Variants in LPP observed in about 807,000 individuals in gnomAD.
LPP encodes LIM domain containing preferred translocation partner in lipoma.
A neutral mutation model predicts 60.4 loss-of-function variants in LPP; 38 were observed. That is an observed-to-expected ratio of 0.63 (90% CI 0.49 to 0.83). LPP has a LOEUF of 0.83. LPP is among the 40% of genes least tolerant of loss of function. The probability of loss-of-function intolerance (pLI) is 0.00; values close to 1 mark genes in which losing one functional copy is unlikely to be tolerated. For synonymous variants in LPP, 328 were observed against 290.8 expected (o/e 1.13, Z -1.30); for missense variants, 902 against 783.6 (o/e 1.15, Z -1.80).
At chr3:188,798,211 C>T (rs1420822051) in intron 9 of LPP, among the ~76,000 whole-genome samples, 2 of 152,102 alleles carry the variant, frequency 1.3e-5, no homozygotes, top group Non-Finnish European at 2.9e-5. Context: ...GGCAATCTGG[C>T]CCATTCTATA....
At chr3:188,437,713 A>G (rs186576969) in intron 4 of LPP, among the ~76,000 whole-genome samples, 8 of 152,292 alleles carry the variant, frequency 5.3e-5, no homozygotes, top group Admixed American at 5.2e-4. Flanking sequence ...GCATCCCAGA[A>G]TTTATTGAAC....
intron 4 of LPP, 58 bp downstream of exon 4, chr3:188,406,371 TG>T (rs2148866767): frequency 7.0e-7 from 1 of 1,435,258 alleles, no homozygotes; most frequent in Non-Finnish European, 9.7e-7. Flanking sequence ...GTTATATAGG[TG>T]ATTTGTAGTA....
intron 1 of LPP, among the ~76,000 whole-genome samples, chr3:188,155,512 A>T (rs758889254): frequency 2.0e-5 from 3 of 152,232 alleles, no homozygotes; most frequent in Non-Finnish European, 2.9e-5. Flanking sequence ...TTTACAAAGC[A>T]TCTAGCTCCC....
rs534490111 is a variant in LPP, at chr3:188,801,211, T to C, written c.1410+40929T>C. On this transcript the variant is annotated intron_variant, in intron 9 of 11. Transcript: ENST00000617246. Reference sequence around the variant, plus strand: ...GATTTTGTCATAAAGTCATCTGTCCTAGGCTCTACAATGTAGCATTTTCAA... The same window carrying C: ...GATTTTGTCATAAAGTCATCTGTCCCAGGCTCTACAATGTAGCATTTTCAA... Among the ~76,000 whole-genome samples the C allele has an allele frequency of 3.8e-4, 58 of 152,326 alleles. 1 individual carries two copies. The South Asian group carries it at 0.012, about 32-fold the overall frequency.
Position 188,462,501 on chromosome 3 carries a change from C to T in LPP, c.194-22091C>T, listed in dbSNP as rs926467585. ...TATGTGTGTGTTACCTTCCTGGTAA[C>T]ACACCAAATGGCTCATATAAATTTA... On this transcript the variant is annotated intron_variant, in intron 4 of 11. Coordinates refer to ENST00000617246, the MANE Select transcript of LPP (RefSeq NM_001375462.1). 3.2e-4 allele frequency among the ~76,000 whole-genome samples: 44 copies of T among 137,494 alleles called. 1 individual carries two copies. Among genetic ancestry groups the T allele is most frequent in the Non-Finnish European group, 5.2e-4 (34 of 64,902 alleles). The allele number at this position is 137,494 out of a possible 152,430, so 90.2% of individuals were successfully genotyped here.
chr3:188,477,129 T>G (rs1803444711), intron 4 of LPP, among the ~76,000 whole-genome samples: 1 of 152,216 alleles, frequency 6.6e-6, no homozygotes, highest in Non-Finnish European at 1.5e-5. Context: ...GGTATCTTCC[T>G]CACACCACTG....
intron 9 of LPP, among the ~76,000 whole-genome samples, chr3:188,842,195 C>T (rs551247171): frequency 1.3e-5 from 2 of 152,274 alleles, no homozygotes; most frequent in East Asian, 3.9e-4. Context: ...TTGCTATTAC[C>T]TGTCTTTTGG....
intron 7 of LPP, among the ~76,000 whole-genome samples, chr3:188,639,795 A>T (rs1849665021): frequency 6.6e-6 from 1 of 152,268 alleles, no homozygotes; most frequent in Non-Finnish European, 1.5e-5. Flanking sequence ...CATCAGAGAA[A>T]TGCAAATCAA....
In LPP at chr3:188,651,500, G is replaced by GT. The variant is rs538999061; in HGVS notation, c.1113+41658dup. ...CTTCAACTCTATCTTGAAATAGTTTGTTGTGTATATTAGTCCGTTTTCACG... is the reference window on the plus strand; with the variant it reads ...CTTCAACTCTATCTTGAAATAGTTTGTTTGTGTATATTAGTCCGTTTTCACG... On this transcript the variant is annotated intron_variant, in intron 7 of 11. Coordinates refer to ENST00000617246, the MANE Select transcript of LPP (RefSeq NM_001375462.1). Among the ~76,000 whole-genome samples, 121 of 152,328 alleles carry GT rather than the reference G, an allele frequency of 7.9e-4. 1 individual carries two copies. Among genetic ancestry groups the GT allele is most frequent in the African/African-American group, 2.9e-3 (120 of 41,580 alleles).
chr3:188,601,789 C>T (rs1409752433), intron 6 of LPP, among the ~76,000 whole-genome samples: 1 of 151,996 alleles, frequency 6.6e-6, no homozygotes, highest in Non-Finnish European at 1.5e-5. Context: ...GCACTCTTGG[C>T]CAGGTGTGGT....
chr3:188,389,409 T>C (rs1195111441), intron 3 of LPP, among the ~76,000 whole-genome samples: 1 of 152,118 alleles, frequency 6.6e-6, no homozygotes, highest in Non-Finnish European at 1.5e-5. Flanking sequence ...CGCTTGACAG[T>C]GGATTGAGGA....
At chr3:188,471,428 T>G (rs1801813126) in intron 4 of LPP, among the ~76,000 whole-genome samples, 1 of 152,222 alleles carries the variant, frequency 6.6e-6, no homozygotes, top group African/African-American at 2.4e-5. Context: ...TTAGGTATTT[T>G]GGTGGCAAAG....
chr3:188,299,010 A>G (rs893207510), intron 2 of LPP, among the ~76,000 whole-genome samples: 1 of 152,098 alleles, frequency 6.6e-6, no homozygotes, highest in Admixed American at 6.5e-5. Context: ...TTTCCCATAT[A>G]CACACACTCT....
intron 9 of LPP, among the ~76,000 whole-genome samples, chr3:188,857,343 T>C (rs1216504753): frequency 6.6e-6 from 1 of 152,232 alleles, no homozygotes; most frequent in Non-Finnish European, 1.5e-5. Flanking sequence ...AGAAACTTGT[T>C]AATTGGAGGA....
chr3:188,885,163 A>G lies in LPP; in HGVS notation c.*10684A>G, dbSNP rs3796283. 0.56 allele frequency: 115,381 copies of G among 207,386 alleles called. 32,442 individuals carry two copies. The highest frequency in any genetic ancestry group is 0.6 in the Non-Finnish European group (60,952 of 101,958). The allele number at this position is 207,386 out of a possible 1,614,324, so 12.8% of individuals were successfully genotyped here. On this transcript the variant is annotated 3_prime_UTR_variant, in exon 12 of 12. Transcript: ENST00000617246. ...TATTTCCTCTCATTTCACTCCTTTC[A>G]TTGTTTGCTATATCCTAAAATATGT...
chr3:188,270,332 G>C (rs1737316813), intron 2 of LPP, among the ~76,000 whole-genome samples: 1 of 151,684 alleles, frequency 6.6e-6, no homozygotes, highest in Admixed American at 6.6e-5. Flanking sequence ...CAATTCTTCA[G>C]AAAGAAAGCC....
intron 1 of LPP, among the ~76,000 whole-genome samples, chr3:188,194,440 G>A (rs982964759): frequency 6.6e-6 from 1 of 152,174 alleles, no homozygotes; most frequent in Non-Finnish European, 1.5e-5. Context: ...AGGCAACTGA[G>A]CCTCAACCAT....
At chr3:188,836,937 C>T (rs1006368742) in intron 9 of LPP, among the ~76,000 whole-genome samples, 11 of 152,120 alleles carry the variant, frequency 7.2e-5, no homozygotes, top group South Asian at 2.1e-4. Flanking sequence ...CACTCACAGA[C>T]GAGCAAGCTG....
chr3:188,800,370 C>G (rs538520730), intron 9 of LPP, among the ~76,000 whole-genome samples: 2 of 151,526 alleles, frequency 1.3e-5, no homozygotes, highest in African/African-American at 4.8e-5. Context: ...CTCAGCCTCC[C>G]GAGTAGCTGG....
Sources: gnomAD v4.1 joint callset for allele counts (sites outside exome capture counted in the v4.1 genomes callset) on GRCh38, gnomAD v4.1.1 for gene constraint, MANE v1.5 for transcripts, NCBI Gene and HGNC (gene_info 2026-07-23, HGNC 2026-07-21) for gene names.